The following KDM4D variants were observed in gnomAD, a reference collection of about 807,000 sequenced individuals.
KDM4D encodes lysine-specific demethylase 4D.
For missense variants in KDM4D, 427 were observed against 674.8 expected, an observed-to-expected ratio of 0.63 and a Z score of 4.07; for synonymous variants, 254 against 249.1, an observed-to-expected ratio of 1.02 and a Z score of -0.19.
At position 94,998,971 on chromosome 11, in the gene KDM4D, T is replaced by G; in HGVS notation, c.*27T>G. The G allele has an allele frequency of 6.7e-7, 1 of 1,484,964 alleles. No individual in the cohort carries two copies. The highest frequency in any genetic ancestry group is 1.4e-5 in the African/African-American group (1 of 71,414). The allele number at this position is 1,484,964 out of a possible 1,614,324, so 92.0% of individuals were successfully genotyped here. Reference sequence around the variant, plus strand: ...TCCACGGGCTGTCTTTATATCCCACTGCCCTGCTGTGTGACAGTTTGATGA... The same window carrying G: ...TCCACGGGCTGTCTTTATATCCCACGGCCCTGCTGTGTGACAGTTTGATGA... On this transcript the variant is annotated 3_prime_UTR_variant, in exon 3 of 3. Transcript: ENST00000335080. This position sits in a 1 kb window ranked among gnomAD's most constrained non-coding sequence, Gnocchi z 6.7.
intron 2 of KDM4D, among the ~76,000 whole-genome samples, chr11:94,988,433 G>A (rs142768562): frequency 6.6e-6 from 1 of 152,254 alleles, no homozygotes; most frequent in East Asian, 1.9e-4. Flanking sequence ...CAATTATCCA[G>A]CACCTATTGC....
Position 94,998,372 on chromosome 11 carries a change from G to A in KDM4D, c.1000G>A (p.Asp334Asn). Residue 334 changes from aspartate to asparagine, a missense_variant, in exon 3 of 3, where the codon GAC (aspartate) becomes AAC (asparagine). Transcript: ENST00000335080. The surrounding 1 kb of genome is among the most constrained non-coding windows in gnomAD (Gnocchi z 6.7). ...FVRILQPERY[D>N]LWKRGQDRAV... is the part of the protein sequence containing the mutation. Reference sequence around the variant, plus strand: ...GCGCATCCTGCAACCTGAACGCTATGACCTGTGGAAACGTGGGCAAGACCG... The same window carrying A: ...GCGCATCCTGCAACCTGAACGCTATAACCTGTGGAAACGTGGGCAAGACCG... The A allele has an allele frequency of 1.2e-6, 2 of 1,614,192 alleles. No individual in the cohort carries two copies. The highest frequency in any genetic ancestry group is 1.7e-6 in the Non-Finnish European group (2 of 1,180,048).
chr11:94,994,472 GAGAA>G (rs1223921828), intron 2 of KDM4D, among the ~76,000 whole-genome samples: 12 of 152,102 alleles, frequency 7.9e-5, no homozygotes, highest in Admixed American at 7.2e-4. Context: ...AATTTTAAGA[GAGAA>G]AGAAAGTTAA....
intron 2 of KDM4D, among the ~76,000 whole-genome samples, chr11:94,992,452 AT>A (rs1555098795): frequency 6.6e-6 from 1 of 152,114 alleles, no homozygotes; most frequent in East Asian, 1.9e-4. Context: ...TATGAAAAAA[AT>A]CAAAATCAAC....
intron 2 of KDM4D, among the ~76,000 whole-genome samples, chr11:94,978,988 C>G (rs1450686964): frequency 6.6e-6 from 1 of 152,048 alleles, no homozygotes; most frequent in Non-Finnish European, 1.5e-5. Flanking sequence ...ATAAATTTCT[C>G]TCAGACGAGC....
At chr11:94,988,023 T>A (rs1857902904) in intron 2 of KDM4D, among the ~76,000 whole-genome samples, 1 of 152,202 alleles carries the variant, frequency 6.6e-6, no homozygotes, top group South Asian at 2.1e-4. Context: ...AAAGGAATAA[T>A]GTGAGGCAAT....
At chr11:94,995,613 T>C (rs1223359653) in intron 2 of KDM4D, among the ~76,000 whole-genome samples, 2 of 152,140 alleles carry the variant, frequency 1.3e-5, no homozygotes, top group African/African-American at 4.8e-5. Flanking sequence ...CTCAGGAAGA[T>C]GTCAAGACAT....
At chr11:94,987,721 A>G (rs1485464438) in intron 2 of KDM4D, among the ~76,000 whole-genome samples, 7 of 152,196 alleles carry the variant, frequency 4.6e-5, no homozygotes, top group African/African-American at 1.4e-4. Flanking sequence ...GACACAATGT[A>G]GAGAGCAAAT....
chr11:94,989,542 G>A (rs1468390446), intron 2 of KDM4D, among the ~76,000 whole-genome samples: 1 of 152,100 alleles, frequency 6.6e-6, no homozygotes, highest in Non-Finnish European at 1.5e-5. Context: ...TTAAGATGCT[G>A]GATTTAAAGG....
intron 2 of KDM4D, among the ~76,000 whole-genome samples, chr11:94,976,252 G>A (rs1461765731): frequency 6.6e-6 from 1 of 151,934 alleles, no homozygotes; most frequent in African/African-American, 2.4e-5. Context: ...TCTCCTAATT[G>A]TTTATTTTCC....
At chr11:94,996,974 A>G (rs1199716199) in intron 2 of KDM4D, 50 bp from the exon 3 acceptor site, 4 of 154,986 alleles carry the variant, frequency 2.6e-5, no homozygotes, top group African/African-American at 9.6e-5. Context: ...TGGATGCCTA[A>G]TATTTTTTCC....
chr11:94,998,367 G>T lies in KDM4D; in HGVS notation c.995G>T (p.Arg332Leu). The T allele has an allele frequency of 6.2e-7, 1 of 1,614,164 alleles. No individual in the cohort carries two copies. Among genetic ancestry groups the T allele is most frequent in the South Asian group, 1.1e-5 (1 of 91,084 alleles). ...DAFVRILQPE[R>L]YDLWKRGQDR... ...TTCGTGCGCATCCTGCAACCTGAACGCTATGACCTGTGGAAACGTGGGCAA... is the reference window on the plus strand; with the variant it reads ...TTCGTGCGCATCCTGCAACCTGAACTCTATGACCTGTGGAAACGTGGGCAA... Residue 332 changes from arginine (R) to leucine (L), a missense_variant, in exon 3 of 3, where the codon CGC becomes CTC. Arg to Leu is a moderately radical substitution (Grantham distance 102). Transcript: ENST00000335080. The surrounding 1 kb of genome is among the most constrained non-coding windows in gnomAD (Gnocchi z 6.7).
intron 2 of KDM4D, among the ~76,000 whole-genome samples, chr11:94,987,146 G>C (rs1300078763): frequency 6.6e-6 from 1 of 152,178 alleles, no homozygotes; most frequent in Non-Finnish European, 1.5e-5. Context: ...TGGTTGCCTG[G>C]AGTTGGGGGT....
At chr11:94,994,120 A>G (rs936347740) in intron 2 of KDM4D, among the ~76,000 whole-genome samples, 15 of 152,154 alleles carry the variant, frequency 9.9e-5, no homozygotes, top group Non-Finnish European at 1.5e-4. Flanking sequence ...TGGGGTGTCT[A>G]GATGTCCTTG....
rs587607237 is a variant in KDM4D at position 94,982,481 on chromosome 11, C to T, written c.-350+6733C>T. 1.1e-4 allele frequency among the ~76,000 whole-genome samples: 17 copies of T among 150,202 alleles called. No individual in the cohort carries two copies. The East Asian group carries it at 2.1e-3, about 19-fold the overall frequency. On this transcript the variant is annotated intron_variant, in intron 2 of 2. Coordinates refer to ENST00000335080, the MANE Select transcript of KDM4D (RefSeq NM_018039.3). ...TAGATGAGTATAGAATTTCTACCAACTCAGTCAACATTCAGCATTTTGCTA... is the reference window on the plus strand; with the variant it reads ...TAGATGAGTATAGAATTTCTACCAATTCAGTCAACATTCAGCATTTTGCTA...
At chr11:94,981,213 T>C (rs1355307295) in intron 2 of KDM4D, among the ~76,000 whole-genome samples, 1 of 152,110 alleles carries the variant, frequency 6.6e-6, no homozygotes, top group Admixed American at 6.5e-5. Flanking sequence ...ATCCTTTCAT[T>C]ACTGGAATAA....
In KDM4D at chr11:94,999,054, ATG is replaced by A; in HGVS notation, c.*111_*112del. On this transcript the variant is annotated 3_prime_UTR_variant, in exon 3 of 3. Coordinates refer to ENST00000335080, the MANE Select transcript of KDM4D (RefSeq NM_018039.3). Reference sequence around the variant, plus strand: ...TGAGTTTGCAGGACTCTAGGCATGCATGAAAGAGCCCCCCTGGTGATGCCCTT... The same window carrying A: ...TGAGTTTGCAGGACTCTAGGCATGCAAAAGAGCCCCCCTGGTGATGCCCTT... 2 of 1,055,056 alleles carry A rather than the reference ATG, an allele frequency of 1.9e-6. No individual in the cohort carries two copies. The highest frequency in any genetic ancestry group is 2.6e-6 in the Non-Finnish European group (2 of 780,106). The allele number at this position is 1,055,056 out of a possible 1,614,324, so 65.4% of individuals were successfully genotyped here. A position where few individuals can be genotyped will look rare whatever the true frequency, so the allele number is the denominator to read the frequency against.
At chr11:94,974,505 C>T (rs938444570) in intron 1 of KDM4D, among the ~76,000 whole-genome samples, 10 of 152,146 alleles carry the variant, frequency 6.6e-5, no homozygotes, top group Admixed American at 2.0e-4. Context: ...TATTTAAATG[C>T]TTTCTTACCC....
rs182544967 is a variant in KDM4D at position 94,982,627 on chromosome 11, G to A, written c.-350+6879G>A. Among the ~76,000 whole-genome samples the A allele has an allele frequency of 6.2e-4, 93 of 150,890 alleles. No individual in the cohort carries two copies. In the East Asian group the frequency reaches 0.012, roughly 20 times the overall value. On this transcript the variant is annotated intron_variant, in intron 2 of 2. Transcript: ENST00000335080. ...TTTTTTCCTAGAAAATATTATCTACGTGGAAAATTCTAGAATTAATGGCCA... is the reference window on the plus strand; with the variant it reads ...TTTTTTCCTAGAAAATATTATCTACATGGAAAATTCTAGAATTAATGGCCA...
Sources: allele counts gnomAD v4.1 joint callset (sites outside exome capture counted in the v4.1 genomes callset), GRCh38; gene constraint gnomAD v4.1.1; non-coding constraint Gnocchi (gnomAD v3.1); transcripts MANE v1.5; gene names NCBI Gene and HGNC (gene_info 2026-07-23, HGNC 2026-07-21).